Variants in CDH13 observed in about 807,000 individuals in gnomAD.
CDH13 encodes the protein cadherin 13.
In CDH13, 24 loss-of-function variants were observed where a neutral mutation model predicts 63.8. The ratio of observed to expected loss-of-function variants is 0.38; its 90% CI spans 0.27 to 0.53. The LOEUF (loss-of-function observed/expected upper bound fraction) is 0.53, where lower values mean the gene tolerates loss of function less well. CDH13 is among the 20% of genes least tolerant of loss of function. The probability of loss-of-function intolerance (pLI) is 0.85; values close to 1 mark genes in which losing one functional copy is unlikely to be tolerated. For missense variants in CDH13, 1,049 were observed against 903.1 expected (o/e 1.16, Z -2.07); for synonymous variants, 503 against 355.3 (o/e 1.42, Z -4.67).
intron 3 of CDH13, among the ~76,000 whole-genome samples, chr16:83,062,297 A>C (rs2031627576): frequency 6.6e-6 from 1 of 152,148 alleles, no homozygotes; most frequent in Non-Finnish European, 1.5e-5. Flanking sequence ...TTCCATTCAT[A>C]GCATTTGTTA....
intron 5 of CDH13, among the ~76,000 whole-genome samples, chr16:83,336,588 T>A (rs1240908195): frequency 6.6e-6 from 1 of 152,216 alleles, no homozygotes; most frequent in South Asian, 2.1e-4. Context: ...AAAACTTACA[T>A]CTGAAAATCC....
At chr16:82,648,610 G>A (rs1362830823) in intron 1 of CDH13, among the ~76,000 whole-genome samples, 1 of 152,142 alleles carries the variant, frequency 6.6e-6, no homozygotes, top group East Asian at 1.9e-4. Context: ...AAAAAGAAGG[G>A]TGGAATCTGA....
At chr16:83,272,532 C>T (rs950758142) in intron 5 of CDH13, among the ~76,000 whole-genome samples, 10 of 152,170 alleles carry the variant, frequency 6.6e-5, no homozygotes. Flanking sequence ...TTATGGATGT[C>T]CTTATAGATT....
chr16:83,060,908 T>G (rs374994981), intron 3 of CDH13, among the ~76,000 whole-genome samples: 81 of 152,284 alleles, frequency 5.3e-4, no homozygotes, highest in African/African-American at 1.8e-3. Context: ...TTGATAATAG[T>G]CATTTTCTCT....
At chr16:83,560,128 G>C (rs1383445348) in intron 7 of CDH13, among the ~76,000 whole-genome samples, 1 of 152,156 alleles carries the variant, frequency 6.6e-6, no homozygotes, top group African/African-American at 2.4e-5. Context: ...TAGCTACTCT[G>C]TGTTAGTCCC....
At chr16:83,659,442 G>A (rs537385985) in intron 8 of CDH13, among the ~76,000 whole-genome samples, 1 of 152,252 alleles carries the variant, frequency 6.6e-6, no homozygotes, top group Non-Finnish European at 1.5e-5. Context: ...ACACAAGTTA[G>A]AATGTGCCAT....
At position 82,993,451 on chromosome 16, in the gene CDH13, A is replaced by G. The variant is rs111551587; in HGVS notation, c.158-38559A>G. On this transcript the variant is annotated intron_variant, in intron 2 of 13. Transcript: ENST00000567109. Reference sequence around the variant, plus strand: ...ATGGTCCAGGGTGAGAGAGGTGTGTAAATTGACTCCGTGAGGACTCTAGGA... The same window carrying G: ...ATGGTCCAGGGTGAGAGAGGTGTGTGAATTGACTCCGTGAGGACTCTAGGA... Among the ~76,000 whole-genome samples, 1,139 of 152,284 alleles carry G rather than the reference A, an allele frequency of 7.5e-3. 6 individuals are homozygous for G. Among genetic ancestry groups the G allele is most frequent in the African/African-American group, 0.026 (1,073 of 41,544 alleles).
intron 5 of CDH13, among the ~76,000 whole-genome samples, chr16:83,295,638 C>T (rs968567828): frequency 8.4e-5 from 12 of 142,544 alleles, no homozygotes; most frequent in African/African-American, 2.7e-4. Context: ...CACCTCATAC[C>T]TGTTAATATG....
intron 10 of CDH13, among the ~76,000 whole-genome samples, chr16:83,684,971 C>T (rs1904290615): frequency 6.6e-6 from 1 of 152,126 alleles, no homozygotes; most frequent in Admixed American, 6.5e-5. Context: ...CAGGGTTCTA[C>T]TTGCTCACTA....
At chr16:83,542,461 C>G (rs546461790) in intron 7 of CDH13, among the ~76,000 whole-genome samples, 1 of 152,292 alleles carries the variant, frequency 6.6e-6, no homozygotes, top group Non-Finnish European at 1.5e-5. Flanking sequence ...GCATAGGGAC[C>G]AATAACGTGC....
At chr16:83,636,099 A>G (rs1167170142) in intron 8 of CDH13, among the ~76,000 whole-genome samples, 1 of 23,124 alleles carries the variant, frequency 4.3e-5, no homozygotes, top group African/African-American at 1.5e-4. Context: ...CCCCTTGATT[A>G]AAAAAAAAAA....
At chr16:83,461,520 C>G (rs1279779972) in intron 6 of CDH13, among the ~76,000 whole-genome samples, 2 of 152,088 alleles carry the variant, frequency 1.3e-5, no homozygotes, top group Non-Finnish European at 2.9e-5. Context: ...AGGTGAGACC[C>G]CCGCCTTTGT....
intron 1 of CDH13, among the ~76,000 whole-genome samples, chr16:82,661,285 C>G (rs1006355553): frequency 1.3e-5 from 2 of 152,226 alleles, no homozygotes; most frequent in African/African-American, 4.8e-5. Flanking sequence ...GCTCTGATCA[C>G]AGCTTAATTA....
At chr16:82,653,144 T>C (rs983145101) in intron 1 of CDH13, among the ~76,000 whole-genome samples, 1 of 152,162 alleles carries the variant, frequency 6.6e-6, no homozygotes, top group African/African-American at 2.4e-5. Flanking sequence ...CTTTGATAGA[T>C]ACTTATTGAA....
intron 7 of CDH13, among the ~76,000 whole-genome samples, chr16:83,568,028 C>G (rs753065503): frequency 1.3e-4 from 20 of 152,152 alleles, no homozygotes; most frequent in Non-Finnish European, 2.5e-4. Flanking sequence ...ACTTCACCTC[C>G]AAACCCAGCT....
intron 6 of CDH13, among the ~76,000 whole-genome samples, chr16:83,389,967 T>A (rs949250207): frequency 6.6e-6 from 1 of 152,246 alleles, no homozygotes; most frequent in African/African-American, 2.4e-5. Flanking sequence ...GCTGTTTATT[T>A]ATAGTCATTC....
chr16:82,656,097 T>A (rs1400019797), intron 1 of CDH13, among the ~76,000 whole-genome samples: 1 of 152,210 alleles, frequency 6.6e-6, no homozygotes, highest in Non-Finnish European at 1.5e-5. Context: ...AGAAAGAGCA[T>A]CTGCCTTGGA....
Position 83,032,013 on chromosome 16 carries a change from C to T in CDH13, c.161C>T (p.Thr54Ile). 6.3e-7 allele frequency: 1 copy of T among 1,584,358 alleles called. No individual in the cohort carries two copies. Among genetic ancestry groups the T allele is most frequent in the Non-Finnish European group, 8.6e-7 (1 of 1,164,640 alleles). ...FIEDQSILNL[T>I]FSDCKGNDKL... is the part of the protein sequence containing the mutation. ...TGTTGTTTCGTTTGTTTCCCAGTGA[C>T]CTTCAGTGACTGTAAGGGAAACGAC... The change falls in exon 3 of 14, where the codon ACC (threonine) becomes ATC (isoleucine). Residue 54 changes from threonine (T) to isoleucine (I), a missense_variant. Coordinates refer to ENST00000567109, the MANE Select transcript of CDH13 (RefSeq NM_001257.5).
At chr16:83,204,355 CAT>C (rs2039120434) in intron 4 of CDH13, among the ~76,000 whole-genome samples, 1 of 152,234 alleles carries the variant, frequency 6.6e-6, no homozygotes, top group African/African-American at 2.4e-5. Flanking sequence ...ATACCTACCT[CAT>C]AGAATTGTTG....
Sources: allele counts gnomAD v4.1 joint callset (sites outside exome capture counted in the v4.1 genomes callset), GRCh38; gene constraint gnomAD v4.1.1; transcripts MANE v1.5; gene names NCBI Gene and HGNC (gene_info 2026-07-23, HGNC 2026-07-21).